The following TPCN2 variants were observed in gnomAD, a reference collection of about 807,000 sequenced individuals.
The protein encoded by TPCN2 is two pore segment channel 2.
In TPCN2, 92 loss-of-function variants were observed where a neutral mutation model predicts 111.4. The ratio of observed to expected loss-of-function variants is 0.83; its 90% CI spans 0.70 to 0.98. The LOEUF (loss-of-function observed/expected upper bound fraction) is 0.98. Among genes scored for constraint, TPCN2 ranks in the 50% least tolerant of loss-of-function variants. TPCN2 has a pLI of 0.00. For synonymous variants in TPCN2, 405 were observed against 414.5 expected, an observed-to-expected ratio of 0.98 and a Z score of 0.28; for missense variants, 995 against 980.1, an observed-to-expected ratio of 1.02 and a Z score of -0.20.
At chr11:69,077,702 C>T (rs1385178752) in intron 13 of TPCN2, among the ~76,000 whole-genome samples, 1 of 152,214 alleles carries the variant, frequency 6.6e-6, no homozygotes, top group Admixed American at 6.5e-5. Context: ...TTTCACTCTG[C>T]AGCCTGCCTG....
At position 69,087,975 on chromosome 11, in the gene TPCN2, A is replaced by G. The variant is rs1188356989; in HGVS notation, c.*22A>G. The G allele has an allele frequency of 1.9e-6, 3 of 1,592,494 alleles. No homozygotes were observed. Among genetic ancestry groups the G allele is most frequent in the East Asian group, 2.3e-5 (1 of 44,306 alleles). On this transcript the variant is annotated 3_prime_UTR_variant, in exon 25 of 25. Coordinates refer to ENST00000294309, the MANE Select transcript of TPCN2 (RefSeq NM_139075.4). ...GTGACGTCCGGGCTGCCGTCCCAGC[A>G]GGGGCGGCAGGAGAGAGAGGCTGGC...
chr11:69,088,309 G>A lies in TPCN2; in HGVS notation c.*356G>A, dbSNP rs1414337061. On this transcript the variant is annotated 3_prime_UTR_variant, in exon 25 of 25. Coordinates refer to ENST00000294309, the MANE Select transcript of TPCN2 (RefSeq NM_139075.4). ...GCCTTTGCTGCCGGCAGCCCTTGGG[G>A]ACCACAGGCCTGACCAGGGCCTGCA... 3.8e-6 allele frequency: 1 copy of A among 265,034 alleles called. No homozygotes were observed. The highest frequency in any genetic ancestry group is 8.5e-5 in the East Asian group (1 of 11,768). The allele number at this position is 265,034 out of a possible 1,614,324, so 16.4% of individuals were successfully genotyped here. A position where few individuals can be genotyped will look rare whatever the true frequency, so the allele number is the denominator to read the frequency against.
At chr11:69,064,564 C>G (rs1291663574) in intron 7 of TPCN2, among the ~76,000 whole-genome samples, 1 of 152,196 alleles carries the variant, frequency 6.6e-6, no homozygotes, top group Non-Finnish European at 1.5e-5. Flanking sequence ...TGTCCCCCAA[C>G]CCCGCTCCAG....
intron 5 of TPCN2, among the ~76,000 whole-genome samples, chr11:69,059,497 G>C (rs1358871114): frequency 6.6e-6 from 1 of 152,216 alleles, no homozygotes; most frequent in African/African-American, 2.4e-5. Flanking sequence ...GGTCCTGGCT[G>C]GGGGAGAGAC....
chr11:69,049,484 C>T (rs1307023538), intron 1 of TPCN2, among the ~76,000 whole-genome samples: 2 of 152,224 alleles, frequency 1.3e-5, no homozygotes, highest in Non-Finnish European at 2.9e-5. Context: ...ATGAGGGTCG[C>T]CTAATTGACT....
chr11:69,081,917 G>T (rs977957323), intron 18 of TPCN2, among the ~76,000 whole-genome samples: 2 of 152,124 alleles, frequency 1.3e-5, no homozygotes, highest in South Asian at 4.1e-4. Context: ...TAATGCGGGC[G>T]CAGGTGGCTC....
chr11:69,050,657 C>A (rs868094051), intron 1 of TPCN2, among the ~76,000 whole-genome samples: 1 of 152,232 alleles, frequency 6.6e-6, no homozygotes, highest in Non-Finnish European at 1.5e-5. Flanking sequence ...GGATTACAGG[C>A]GTGAGCCACT....
At chr11:69,076,512 C>T (rs1434004693) in intron 13 of TPCN2, among the ~76,000 whole-genome samples, 3 of 152,038 alleles carry the variant, frequency 2.0e-5, no homozygotes, top group African/African-American at 7.3e-5. Context: ...CGATCCACCC[C>T]GTAGCATCCG....
chr11:69,081,067 G>T (rs966513115), intron 17 of TPCN2, among the ~76,000 whole-genome samples: 2 of 152,062 alleles, frequency 1.3e-5, no homozygotes, highest in African/African-American at 4.8e-5. Context: ...GCTGGAGCAA[G>T]TCTCAGTGTC....
At chr11:69,069,847 AG>A (rs1322999829) in intron 8 of TPCN2, among the ~76,000 whole-genome samples, 3 of 5,462 alleles carry the variant, frequency 5.5e-4, no homozygotes, top group Non-Finnish European at 9.9e-4. Context: ...GACTGTGGGG[AG>A]GGCTGCAGGG....
In TPCN2 at chr11:69,056,237, G is replaced by A. The variant is rs561750358; in HGVS notation, c.429+885G>A. 5.3e-5 allele frequency among the ~76,000 whole-genome samples: 8 copies of A among 152,336 alleles called. No homozygotes were observed. The East Asian group carries it at 1.2e-3, about 22-fold the overall frequency. On this transcript the variant is annotated intron_variant, in intron 4 of 24. Coordinates refer to ENST00000294309, the MANE Select transcript of TPCN2 (RefSeq NM_139075.4). The stretch of plus-strand genomic sequence containing the variant: ...CTTGGGCTCACGTGGCTTCCTGGTC[G>A]CGTGGGGCCTCTGCCCGGCACTGCC...
intron 1 of TPCN2, among the ~76,000 whole-genome samples, chr11:69,053,195 T>C (rs1861309215): frequency 6.6e-6 from 1 of 152,220 alleles, no homozygotes; most frequent in Non-Finnish European, 1.5e-5. Flanking sequence ...CCACTGCCGC[T>C]TTTGCCCAGG....
At chr11:69,064,891 G>GTGCA (rs1855195880) in intron 7 of TPCN2, among the ~76,000 whole-genome samples, 2 of 151,458 alleles carry the variant, frequency 1.3e-5, no homozygotes, top group Non-Finnish European at 1.5e-5. Context: ...GTTTGTATGT[G>GTGCA]TGCATGTGTA....
chr11:69,057,120 G>A (rs540280326), intron 4 of TPCN2, among the ~76,000 whole-genome samples: 1 of 152,366 alleles, frequency 6.6e-6, no homozygotes, highest in East Asian at 1.9e-4. Flanking sequence ...TTACAGGCGT[G>A]AGCCACCGCC....
In TPCN2 at chr11:69,055,254, G is replaced by A. The variant is rs1422213982; in HGVS notation, c.331G>A (p.Val111Met). The part of the protein sequence containing the change: ...TPSSLTSTAD[V>M]RYRAAPWEPP... ...ATCCTCACTCACCAGCACGGCGGAC[G>A]TGCGCTACCGCGCTGCTCCCTGGGA... The change falls in exon 4 of 25, where the codon GTG (valine) becomes ATG (methionine). Residue 111 changes from valine (V) to methionine (M), a missense_variant. Transcript: ENST00000294309. 6.2e-7 allele frequency: 1 copy of A among 1,614,190 alleles called. No homozygotes were observed. The highest frequency in any genetic ancestry group is 8.5e-7 in the Non-Finnish European group (1 of 1,180,016).
Position 69,086,690 on chromosome 11 carries a change from T to C in TPCN2, c.2085+86T>C, listed in dbSNP as rs568529125. ...TGGGCCTGAGGCCACCGGCCGGGCC[T>C]GCCTGGAACTTTGATGGGAGAGTCG... On this transcript the variant is annotated intron_variant, in intron 23 of 24. Transcript: ENST00000294309. 1.0e-4 allele frequency: 135 copies of C among 1,331,340 alleles called. No homozygotes were observed. The South Asian group carries it at 1.5e-3, about 15-fold the overall frequency. 82.5% of individuals were successfully genotyped at this position (1,331,340 alleles called of 1,614,324 possible).
intron 18 of TPCN2, among the ~76,000 whole-genome samples, chr11:69,083,547 A>G (rs953208248): frequency 3.3e-5 from 5 of 152,180 alleles, no homozygotes; most frequent in African/African-American, 1.2e-4. Flanking sequence ...TCCAGGCCAC[A>G]GAGTAGCTGA....
At chr11:69,059,628 G>A (rs1483057086) in intron 5 of TPCN2, among the ~76,000 whole-genome samples, 7 of 152,256 alleles carry the variant, frequency 4.6e-5, no homozygotes, top group East Asian at 3.8e-4. Context: ...CTGTGGGCCC[G>A]CGCCGGGGCT....
chr11:69,071,266 C>T (rs1367180411), intron 9 of TPCN2, 90 bp from the exon 10 acceptor site: 34 of 1,001,400 alleles, frequency 3.4e-5, no homozygotes, highest in South Asian at 2.0e-4. Flanking sequence ...GGGACGCCCC[C>T]GGCGCTGTGC....
Sources: gnomAD v4.1 joint callset for allele counts (sites outside exome capture counted in the v4.1 genomes callset) on GRCh38, gnomAD v4.1.1 for gene constraint, MANE v1.5 for transcripts, NCBI Gene and HGNC (gene_info 2026-07-23, HGNC 2026-07-21) for gene names.